The following CORIN variants were observed in gnomAD, a reference collection of about 807,000 sequenced individuals.
CORIN encodes the protein corin, serine peptidase.
In CORIN, 117 loss-of-function variants were observed where a neutral mutation model predicts 125.3. The ratio of observed to expected loss-of-function variants is 0.93; its 90% CI spans 0.80 to 1.09. CORIN has a LOEUF of 1.09. Ranked by LOEUF, CORIN falls within the 50% of genes least tolerant of loss-of-function variation. CORIN has a pLI of 0.00. For synonymous variants in CORIN, 450 were observed against 466.4 expected (o/e 0.96, Z 0.45); for missense variants, 1,253 against 1,306.7 (o/e 0.96, Z 0.63).
chr4:47,760,189 G>A (rs558641328), intron 4 of CORIN, among the ~76,000 whole-genome samples: 1 of 152,266 alleles, frequency 6.6e-6, no homozygotes, highest in South Asian at 2.1e-4. Flanking sequence ...ATGGGCTGCA[G>A]AATAGATATT....
intron 6 of CORIN, among the ~76,000 whole-genome samples, chr4:47,691,003 G>A (rs949121158): frequency 1.2e-4 from 18 of 152,196 alleles, no homozygotes; most frequent in Admixed American, 5.2e-4. Context: ...TCATGGGAAA[G>A]GGCCATATCT....
rs746755734 is a variant in CORIN at position 47,603,423 on chromosome 4, G to C, written c.2786C>G (p.Thr929Arg). 1 of 1,614,160 alleles carries C rather than the reference G, an allele frequency of 6.2e-7. No homozygotes were observed. The highest frequency in any genetic ancestry group is 1.1e-5 in the South Asian group (1 of 91,086). The change falls in exon 20 of 22, where the codon ACA becomes AGA. Residue 929 changes from threonine (T) to arginine (R), a missense_variant. By Grantham distance (71) the Thr-to-Arg change is moderately conservative. Coordinates refer to ENST00000273857, the MANE Select transcript of CORIN (RefSeq NM_006587.4). ...WLEPDTYCYI[T>R]GWGHMGNKMP... ...TTTATTGCCCATGTGGCCCCAGCCT[G>C]TGATATAGCAGTACGTGTCAGGCTC...
chr4:47,635,332 T>C (rs974895747), intron 16 of CORIN, among the ~76,000 whole-genome samples: 6 of 152,218 alleles, frequency 3.9e-5, no homozygotes, highest in Non-Finnish European at 7.3e-5. Flanking sequence ...TTTTGGATAC[T>C]GATAAGTTGT....
At chr4:47,678,123 G>T in intron 8 of CORIN, 69 bp from the exon 9 acceptor site, 1 of 1,031,964 alleles carries the variant, frequency 9.7e-7, no homozygotes, top group Non-Finnish European at 1.5e-6. Flanking sequence ...CATCAAATAA[G>T]CAACAGCCAT....
At chr4:47,604,984 A>C (rs940854670) in intron 19 of CORIN, among the ~76,000 whole-genome samples, 4 of 152,102 alleles carry the variant, frequency 2.6e-5, no homozygotes, top group Middle Eastern at 3.2e-3. Flanking sequence ...CAACCCAAGG[A>C]CTTTCTTGCT....
chr4:47,733,348 C>T (rs994319685), intron 5 of CORIN, among the ~76,000 whole-genome samples: 1 of 152,124 alleles, frequency 6.6e-6, no homozygotes, highest in Admixed American at 6.5e-5. Context: ...GATGTAAGTA[C>T]CTCAAAGAAA....
At chr4:47,682,409 T>G (rs1725328942) in intron 7 of CORIN, 1 of 120,978 alleles carries the variant, frequency 8.3e-6, no homozygotes, top group South Asian at 2.6e-4. Flanking sequence ...GCCACTGCAC[T>G]CCAGCCTGGG....
chr4:47,805,958 G>A (rs1408107826), intron 2 of CORIN, among the ~76,000 whole-genome samples: 3 of 152,184 alleles, frequency 2.0e-5, no homozygotes, highest in Admixed American at 6.5e-5. Context: ...GTAGCCACCA[G>A]TGATAATAGT....
chr4:47,609,890 A>G (rs1721805784), intron 19 of CORIN, among the ~76,000 whole-genome samples: 1 of 152,206 alleles, frequency 6.6e-6, no homozygotes, highest in East Asian at 1.9e-4. Flanking sequence ...TTTGCTGAGG[A>G]TAAGCCTTCC....
At chr4:47,638,012 TGGG>T (rs1308447120) in intron 16 of CORIN, among the ~76,000 whole-genome samples, 1 of 152,206 alleles carries the variant, frequency 6.6e-6, no homozygotes, top group Admixed American at 6.5e-5. Context: ...CCAAGACCCA[TGGG>T]AACCCACTTT....
At chr4:47,616,652 T>A (rs78589423) in intron 19 of CORIN, among the ~76,000 whole-genome samples, 1,740 of 152,242 alleles carry the variant, frequency 0.011, 20 homozygotes, top group Non-Finnish European at 0.017. Context: ...AAGCGTCACT[T>A]CTGTAATGAT....
intron 5 of CORIN, among the ~76,000 whole-genome samples, chr4:47,721,090 G>A (rs1255067308): frequency 6.6e-6 from 1 of 152,118 alleles, no homozygotes; most frequent in Non-Finnish European, 1.5e-5. Flanking sequence ...CAGGATCAGG[G>A]TGCACAGTGG....
intron 3 of CORIN, among the ~76,000 whole-genome samples, chr4:47,777,535 G>A (rs1730354937): frequency 6.6e-6 from 1 of 152,298 alleles, no homozygotes; most frequent in South Asian, 2.1e-4. Context: ...GGAGGCTGAG[G>A]CAGGAGAATC....
intron 9 of CORIN, among the ~76,000 whole-genome samples, chr4:47,676,983 T>A (rs1316519903): frequency 6.6e-6 from 1 of 152,204 alleles, no homozygotes; most frequent in Non-Finnish European, 1.5e-5. Context: ...TCCCTTTAGG[T>A]CTTGGGCATT....
At chr4:47,773,017 T>C (rs560498665) in intron 3 of CORIN, among the ~76,000 whole-genome samples, 153 of 152,268 alleles carry the variant, frequency 1.0e-3, no homozygotes, top group African/African-American at 3.4e-3. Context: ...CTGGGAGTTA[T>C]AATTTTTTTT....
chr4:47,636,942 A>G (rs1723048573), intron 16 of CORIN, among the ~76,000 whole-genome samples: 1 of 152,196 alleles, frequency 6.6e-6, no homozygotes, highest in Non-Finnish European at 1.5e-5. Context: ...GCTGAGAAGA[A>G]GACAGGAAAA....
intron 1 of CORIN, among the ~76,000 whole-genome samples, chr4:47,822,742 C>A (rs1485346078): frequency 6.6e-6 from 1 of 152,114 alleles, no homozygotes; most frequent in African/African-American, 2.4e-5. Flanking sequence ...ATGGGTCAAG[C>A]CTCCCCATTG....
chr4:47,709,735 T>C (rs1726757729), intron 5 of CORIN, among the ~76,000 whole-genome samples: 1 of 152,246 alleles, frequency 6.6e-6, no homozygotes, highest in Admixed American at 6.5e-5. Flanking sequence ...ATTTATTTTT[T>C]AGGCCATCAA....
intron 12 of CORIN, among the ~76,000 whole-genome samples, chr4:47,660,853 T>G (rs1174377764): frequency 1.3e-5 from 2 of 152,062 alleles, no homozygotes; most frequent in Non-Finnish European, 2.9e-5. Flanking sequence ...AGGAAACCAG[T>G]ATATAGAAGA....
Sources: gnomAD v4.1 joint callset for allele counts (sites outside exome capture counted in the v4.1 genomes callset) on GRCh38, gnomAD v4.1.1 for gene constraint, MANE v1.5 for transcripts, NCBI Gene and HGNC (gene_info 2026-07-23, HGNC 2026-07-21) for gene names.